Variants in BBS9 observed in about 807,000 individuals in gnomAD.
BBS9 encodes the protein Bardet-Biedl syndrome 9.
BBS9 carries 89 observed loss-of-function variants against 117.7 expected under a neutral mutation model. The observed-to-expected ratio is 0.76, with a 90% CI of 0.64 to 0.90. BBS9 has a LOEUF of 0.90. Ranked by LOEUF, BBS9 falls within the 40% of genes least tolerant of loss-of-function variation. The pLI is 0.00. For synonymous variants in BBS9, 379 were observed against 370.9 expected (o/e 1.02, Z -0.25); for missense variants, 982 against 1,042.2 (o/e 0.94, Z 0.80).
intron 20 of BBS9, among the ~76,000 whole-genome samples, chr7:33,521,363 T>C (rs1259363630): frequency 6.6e-6 from 1 of 152,204 alleles, no homozygotes; most frequent in Non-Finnish European, 1.5e-5. Context: ...TAGATTTTCA[T>C]CCAATAGGAG....
At chr7:33,241,486 G>T (rs1794517202) in intron 5 of BBS9, among the ~76,000 whole-genome samples, 1 of 152,082 alleles carries the variant, frequency 6.6e-6, no homozygotes. Context: ...ATAATTCTCA[G>T]CCATTATTTC....
intron 21 of BBS9, among the ~76,000 whole-genome samples, chr7:33,546,678 T>G (rs949608174): frequency 5.9e-5 from 9 of 152,218 alleles, no homozygotes; most frequent in Admixed American, 3.3e-4. Context: ...TTCTATGCTT[T>G]TAAAGAGTTC....
At chr7:33,177,383 C>T (rs1373815521) in intron 4 of BBS9, 95 bp from the exon 5 acceptor site, 2 of 837,650 alleles carry the variant, frequency 2.4e-6, no homozygotes, top group Non-Finnish European at 4.0e-6. Flanking sequence ...TTATAATTTC[C>T]CTAAAATTAC....
At chr7:33,574,716 C>A (rs1438558900) in intron 21 of BBS9, among the ~76,000 whole-genome samples, 1 of 147,546 alleles carries the variant, frequency 6.8e-6, no homozygotes, top group Non-Finnish European at 1.5e-5. Flanking sequence ...CACACACACA[C>A]ACACACACAC....
At chr7:33,416,666 G>A (rs779509926) in intron 19 of BBS9, among the ~76,000 whole-genome samples, 2 of 152,168 alleles carry the variant, frequency 1.3e-5, no homozygotes, top group Non-Finnish European at 2.9e-5. Flanking sequence ...AGCCTCAACA[G>A]TGCATGTGAC....
intron 21 of BBS9, among the ~76,000 whole-genome samples, chr7:33,548,497 C>G (rs1214479196): frequency 8.3e-6 from 1 of 120,230 alleles, no homozygotes; most frequent in Non-Finnish European, 1.7e-5. Flanking sequence ...TCCCTCCCCC[C>G]TCCCCCCACC....
At chr7:33,261,821 TA>T (rs1798025627) in intron 6 of BBS9, among the ~76,000 whole-genome samples, 1 of 152,244 alleles carries the variant, frequency 6.6e-6, no homozygotes, top group South Asian at 2.1e-4. Flanking sequence ...TAGTTGCGAT[TA>T]GTGCCTTTCT....
At chr7:33,432,177 C>T (rs1378465685) in intron 19 of BBS9, among the ~76,000 whole-genome samples, 2 of 150,806 alleles carry the variant, frequency 1.3e-5, no homozygotes, top group Non-Finnish European at 2.9e-5. Flanking sequence ...GGTGCGATCT[C>T]GTCTCACTGC....
chr7:33,325,340 CA>C (rs1298298868), intron 9 of BBS9, among the ~76,000 whole-genome samples: 1 of 152,052 alleles, frequency 6.6e-6, no homozygotes. Flanking sequence ...TAAATTATTT[CA>C]ATGTCTTTGT....
At chr7:33,164,562 T>C (rs1322824153) in intron 4 of BBS9, among the ~76,000 whole-genome samples, 1 of 152,254 alleles carries the variant, frequency 6.6e-6, no homozygotes, top group Admixed American at 6.5e-5. Context: ...TCTTGTTGAA[T>C]TGATCCCTTT....
intron 21 of BBS9, among the ~76,000 whole-genome samples, chr7:33,553,315 T>C (rs1307471455): frequency 6.6e-6 from 1 of 152,230 alleles, no homozygotes; most frequent in Non-Finnish European, 1.5e-5. Context: ...CTGCGTTAGC[T>C]ACTATGGTAT....
chr7:33,378,462 A>G (rs1043335377), intron 17 of BBS9, among the ~76,000 whole-genome samples: 2 of 152,110 alleles, frequency 1.3e-5, no homozygotes, highest in African/African-American at 4.8e-5. Flanking sequence ...ACTGCATGTG[A>G]TGTTTCTCTG....
chr7:33,407,807 A>T (rs181401550), intron 19 of BBS9, among the ~76,000 whole-genome samples: 1 of 152,258 alleles, frequency 6.6e-6, no homozygotes, highest in East Asian at 1.9e-4. Flanking sequence ...TTTGTCTCAG[A>T]GGAGTACCCG....
intron 17 of BBS9, among the ~76,000 whole-genome samples, chr7:33,375,933 C>A (rs896950037): frequency 1.3e-5 from 2 of 151,616 alleles, no homozygotes; most frequent in Non-Finnish European, 2.9e-5. Flanking sequence ...TATTTTTCTT[C>A]TGTATATGTT....
chr7:33,301,123 A>ATG (rs1452402858), intron 9 of BBS9, among the ~76,000 whole-genome samples: 1 of 151,966 alleles, frequency 6.6e-6, no homozygotes, highest in Non-Finnish European at 1.5e-5. Context: ...TACAATATAT[A>ATG]TGTGTGTATA....
chr7:33,170,254 A>G (rs1269716518), intron 4 of BBS9, among the ~76,000 whole-genome samples: 4 of 149,162 alleles, frequency 2.7e-5, no homozygotes, highest in Admixed American at 2.0e-4. Flanking sequence ...CTTATCCACC[A>G]TGATCAAGTG....
chr7:33,362,378 A>G (rs1023685904), intron 16 of BBS9, among the ~76,000 whole-genome samples: 2 of 151,674 alleles, frequency 1.3e-5, no homozygotes, highest in Non-Finnish European at 2.9e-5. Context: ...TTTTTTTTTG[A>G]TAGAAGTTTT....
At chr7:33,359,576 A>T (rs1820251961) in intron 16 of BBS9, among the ~76,000 whole-genome samples, 1 of 152,064 alleles carries the variant, frequency 6.6e-6, no homozygotes, top group African/African-American at 2.4e-5. Context: ...AGTGGTTTTT[A>T]AAAAATTCCT....
At chr7:33,418,815 T>C (rs1035465392) in intron 19 of BBS9, among the ~76,000 whole-genome samples, 2 of 152,198 alleles carry the variant, frequency 1.3e-5, no homozygotes, top group South Asian at 4.1e-4. Context: ...TTTTGATCCA[T>C]TTCCTTTTTT....
Sources: allele counts gnomAD v4.1 joint callset (sites outside exome capture counted in the v4.1 genomes callset), GRCh38; gene constraint gnomAD v4.1.1; transcripts MANE v1.5; gene names NCBI Gene and HGNC (gene_info 2026-07-23, HGNC 2026-07-21).